Variants in CCDC120 observed in about 807,000 individuals in gnomAD.
The protein encoded by CCDC120 is coiled-coil domain containing 120.
In CCDC120, 16 loss-of-function variants were observed where a neutral mutation model predicts 37.6. The observed-to-expected ratio is 0.43, with a 90% CI of 0.29 to 0.65. The LOEUF (loss-of-function observed/expected upper bound fraction) is 0.65. Among genes scored for constraint, CCDC120 ranks in the 30% least tolerant of loss-of-function variants. The pLI is 0.18. For missense variants in CCDC120, 650 were observed against 657.4 expected, an observed-to-expected ratio of 0.99 and a Z score of 0.12; for synonymous variants, 309 against 275.4, an observed-to-expected ratio of 1.12 and a Z score of -1.21.
Position 49,067,459 on chromosome X carries a change from C to T in CCDC120, c.1345C>T (p.Pro449Ser), listed in dbSNP as rs1327246900. The T allele has an allele frequency of 1.7e-6, 2 of 1,180,113 alleles. No homozygotes were observed. Among genetic ancestry groups the T allele is most frequent in the Non-Finnish European group, 2.3e-6 (2 of 879,661 alleles). Residue 449 changes from proline to serine, a missense_variant, in exon 10 of 11, where the codon CCC (proline) becomes TCC (serine). Coordinates refer to ENST00000603986, the MANE Select transcript of CCDC120 (RefSeq NM_001163321.4). ...TPAFSSRTAGPPDPPRAARPS... is the reference protein window; with the variant it reads ...TPAFSSRTAGSPDPPRAARPS... ...TGCCTTCTCCTCCCGCACAGCAGGCCCCCCAGACCCTCCCCGGGCCGCCCG... is the reference window on the plus strand; with the variant it reads ...TGCCTTCTCCTCCCGCACAGCAGGCTCCCCAGACCCTCCCCGGGCCGCCCG...
Position 49,065,539 on chromosome X carries a change from C to T in CCDC120, c.873C>T (p.Ser291=). The T allele has an allele frequency of 8.3e-7, 1 of 1,210,872 alleles. No homozygotes were observed. The highest frequency in any genetic ancestry group is 1.1e-6 in the Non-Finnish European group (1 of 895,022). The part of the protein sequence containing the change: ...WDQLRAVSGG[S]PERRTPWKPP... ...AGCTGCGGGCAGTATCTGGGGGGAG[C>T]CCTGAGCGGCGAACCCCATGGAAAC... is the stretch of plus-strand genomic sequence containing the variant. The change falls in exon 8 of 11, where the codon AGC becomes AGT. Residue 291 remains serine (S), a synonymous_variant. Transcript: ENST00000603986.
intron 9 of CCDC120, 76 bp downstream of exon 9, chrX:49,065,921 A>G (rs1159928295): frequency 2.5e-5 from 24 of 962,838 alleles, no homozygotes; most frequent in Non-Finnish European, 3.0e-5. Context: ...CTTGAGGACA[A>G]CATTATCAAA....
chrX:49,065,055 A>G lies in CCDC120; in HGVS notation c.744A>G (p.Ser248=). Residue 248 remains serine (S), a synonymous_variant, in exon 7 of 11, where the codon TCA becomes TCG. Transcript: ENST00000603986. ...QLSQEDVVLH[S]ESSSLSESGA... is the part of the protein sequence containing the mutation. ...CTGTAGAGGACGTAGTTCTGCACTC[A>G]GAGAGCAGCTCCCTCTCAGAGTCTG... is the stretch of plus-strand genomic sequence containing the variant. 8.3e-7 allele frequency: 1 copy of G among 1,211,554 alleles called. No individual in the cohort carries two copies. Among genetic ancestry groups the G allele is most frequent in the Non-Finnish European group, 1.1e-6 (1 of 895,243 alleles).
In CCDC120 at chrX:49,067,366, C is replaced by T; in HGVS notation, c.1252C>T (p.Pro418Ser). The change falls in exon 10 of 11, where the codon CCC (proline) becomes TCC (serine). Residue 418 changes from proline to serine, a missense_variant. Physicochemically the swap from Pro to Ser is moderately conservative, Grantham distance 74. Around this residue, in one of 3 missense-constraint regions of CCDC120, gnomAD observed 576 missense variants for 565.3 expected, o/e 1.02. Transcript: ENST00000603986. The stretch of plus-strand genomic sequence containing the variant: ...TGGCTCCCCGCCTGCCCCTCTGGCT[C>T]CCTCTGCCTCTGGCCCCCCAGTCTG... ...GAGSPPAPLA[P>S]SASGPPVCKS... 2 of 1,200,037 alleles carry T rather than the reference C, an allele frequency of 1.7e-6. No homozygotes were observed. Among genetic ancestry groups the T allele is most frequent in the Non-Finnish European group, 2.2e-6 (2 of 889,901 alleles).
intron 1 of CCDC120, chrX:49,059,457 C>T: frequency 5.9e-6 from 3 of 507,810 alleles, no homozygotes; most frequent in Non-Finnish European, 7.2e-6. Context: ...GGGCCCAGCT[C>T]TCCAAGAAAG....
At chrX:49,061,606 G>C in intron 1 of CCDC120, among the ~76,000 whole-genome samples, 1 of 112,478 alleles carries the variant, frequency 8.9e-6, no homozygotes, top group Non-Finnish European at 1.9e-5. Context: ...CAGGGGCTGG[G>C]GTGGTGAGAG....
Position 49,062,078 on chromosome X carries a change from C to A in CCDC120, c.37C>A (p.Pro13Thr). Reference sequence around the variant, plus strand: ...ACCAAGGTACCAGGGCCAAGTGGGTCCAGACATCCACACGGATTCTGAAAG... The same window carrying A: ...ACCAAGGTACCAGGGCCAAGTGGGTACAGACATCCACACGGATTCTGAAAG... ...REPRYQGQVG[P>T]DIHTDSERTL... The change falls in exon 2 of 11, where the codon CCA becomes ACA. Residue 13 changes from proline to threonine, a missense_variant. Around this residue, in one of 3 missense-constraint regions of CCDC120, gnomAD observed 64 missense variants for 65.2 expected, o/e 0.98. Coordinates refer to ENST00000603986, the MANE Select transcript of CCDC120 (RefSeq NM_001163321.4). 1 of 1,157,029 alleles carries A rather than the reference C, an allele frequency of 8.6e-7. No individual in the cohort carries two copies. Among genetic ancestry groups the A allele is most frequent in the Non-Finnish European group, 1.1e-6 (1 of 872,965 alleles).
Position 49,068,043 on chromosome X carries a change from G to A in CCDC120, c.1929G>A (p.Ala643=), listed in dbSNP as rs1557082144. The A allele has an allele frequency of 1.3e-5, 15 of 1,165,397 alleles. No homozygotes were observed. Among genetic ancestry groups the A allele is most frequent in the Non-Finnish European group, 1.5e-5 (13 of 872,474 alleles). ...CGCTGTACGGGGCCCCCAGCCAGGCGCCACTCCCACACTCGAGGAGTTTCA... is the reference window on the plus strand; with the variant it reads ...CGCTGTACGGGGCCCCCAGCCAGGCACCACTCCCACACTCGAGGAGTTTCA... The part of the protein sequence containing the change: ...GQALYGAPSQ[A]PLPHSRSFTA... Residue 643 remains alanine, a synonymous_variant, in exon 10 of 11, where the codon GCG becomes GCA. Coordinates refer to ENST00000603986, the MANE Select transcript of CCDC120 (RefSeq NM_001163321.4).
intron 10 of CCDC120, 25 bp downstream of exon 10, chrX:49,068,115 G>A: frequency 8.7e-7 from 1 of 1,154,471 alleles, no homozygotes; most frequent in Middle Eastern, 2.3e-4. Flanking sequence ...TTTACTGATG[G>A]GTAGGGGTCT....
Position 49,065,806 on chromosome X carries a change from C to T in CCDC120, c.1022C>T (p.Thr341Ile), listed in dbSNP as rs1557081046. The change falls in exon 9 of 11, where the codon ACC becomes ATC. Residue 341 changes from threonine to isoleucine, a missense_variant. Transcript: ENST00000603986. ...TTTGAGGGGCGAAGTGTGCCTGCCA[C>T]CCCTGTCCTCACCCGGGGCGCTGGC... ...SSFEGRSVPA[T>I]PVLTRGAGPQ... 1 of 1,169,611 alleles carries T rather than the reference C, an allele frequency of 8.5e-7. No individual in the cohort carries two copies. Among genetic ancestry groups the T allele is most frequent in the Non-Finnish European group, 1.1e-6 (1 of 874,040 alleles).
intron 9 of CCDC120, chrX:49,066,775 A>G (rs1432480027): frequency 1.5e-5 from 2 of 133,497 alleles, no homozygotes; most frequent in Non-Finnish European, 2.9e-5. Flanking sequence ...AGGGTTTTAC[A>G]TGTGAGCCCT....
In CCDC120 at chrX:49,064,936, G is replaced by C; in HGVS notation, c.725-100G>C. The C allele has an allele frequency of 4.4e-6, 4 of 902,412 alleles. No homozygotes were observed. The South Asian group carries it at 8.7e-5, about 20-fold the overall frequency. The allele number at this position is 902,412 out of a possible 1,213,427, so 74.4% of individuals were successfully genotyped here. On this transcript the variant is annotated intron_variant, in intron 6 of 10. Coordinates refer to ENST00000603986, the MANE Select transcript of CCDC120 (RefSeq NM_001163321.4). ...CAGGAACAGGATGAGGCGGAAACTG[G>C]CCAGAAGGTGGCCCAAGTAGAGGTG... is the stretch of plus-strand genomic sequence containing the variant.
Position 49,067,557 on chromosome X carries a change from C to T in CCDC120, c.1443C>T (p.Asp481=). Residue 481 remains aspartate (D), a synonymous_variant, in exon 10 of 11, where the codon GAC becomes GAT. Coordinates refer to ENST00000603986, the MANE Select transcript of CCDC120 (RefSeq NM_001163321.4). ...CTGTGTGTGGAGACTTCCTCTTGGA[C>T]TATTCCTTGGACCGGGGCCTGCCCC... ...LPPVCGDFLL[D]YSLDRGLPRS... 8.5e-7 allele frequency: 1 copy of T among 1,171,969 alleles called. No individual in the cohort carries two copies. The highest frequency in any genetic ancestry group is 1.8e-5 in the African/African-American group (1 of 57,003).
chrX:49,062,786 G>A (rs2064901668), intron 4 of CCDC120, 185 bp downstream of exon 4: 1 of 516,050 alleles, frequency 1.9e-6, no homozygotes, highest in Non-Finnish European at 3.1e-6. Context: ...TAGGCTGGGC[G>A]CTGTGGCTCA....
chrX:49,056,938 TATC>T (rs2064835096), upstream of CCDC120, among the ~76,000 whole-genome samples: 1 of 112,028 alleles, frequency 8.9e-6, no homozygotes, highest in Non-Finnish European at 1.9e-5. Context: ...TACATACTGT[TATC>T]ATCGTCCCCA....
rs144506890 is a variant in CCDC120, at chrX:49,065,503, G to T, written c.837G>T (p.Lys279Asn). 609 of 1,207,733 alleles carry T rather than the reference G, an allele frequency of 5.0e-4. No individual in the cohort carries two copies. The African/African-American group carries it at 9.7e-3, about 19-fold the overall frequency. The change falls in exon 8 of 11, where the codon AAG becomes AAT. Residue 279 changes from lysine to asparagine, a missense_variant. Transcript: ENST00000603986. The part of the protein sequence containing the change: ...FSLAERPSPP[K>N]AWDQLRAVSG... ...TGGCCGAGCGCCCCTCACCACCCAA[G>T]GCTTGGGACCAGCTGCGGGCAGTAT... is the stretch of plus-strand genomic sequence containing the variant.
rs1244826757 is a variant in CCDC120 at position 49,068,947 on chromosome X, G to A, written c.*289G>A. 1.8e-5 allele frequency: 4 copies of A among 220,886 alleles called. No homozygotes were observed. Among genetic ancestry groups the A allele is most frequent in the Non-Finnish European group, 3.3e-5 (4 of 122,403 alleles). 18.2% of individuals were successfully genotyped at this position (220,886 alleles called of 1,213,427 possible). A position where few individuals can be genotyped will look rare whatever the true frequency, so the allele number is the denominator to read the frequency against. On this transcript the variant is annotated 3_prime_UTR_variant, in exon 11 of 11. Transcript: ENST00000603986. Reference sequence around the variant, plus strand: ...CATTTATGTTTACAGTTGTGACTTAGGTATTCACTGTCTTCCTCCAACACT... The same window carrying A: ...CATTTATGTTTACAGTTGTGACTTAAGTATTCACTGTCTTCCTCCAACACT...
chrX:49,064,105 A>G, intron 5 of CCDC120, 104 bp downstream of exon 5: 1 of 1,016,817 alleles, frequency 9.8e-7, no homozygotes, highest in East Asian at 3.4e-5. Context: ...CAGGTGAGGG[A>G]GAGGCTAAGA....
intron 9 of CCDC120, chrX:49,066,529 G>C (rs1204481016): frequency 8.9e-6 from 1 of 111,867 alleles, no homozygotes; most frequent in Non-Finnish European, 1.9e-5. Flanking sequence ...GCACAGAAAG[G>C]TTAAGTAACT....
Sources: gnomAD v4.1 joint callset for allele counts (sites outside exome capture counted in the v4.1 genomes callset) on GRCh38, gnomAD v4.1.1 for gene constraint, gnomAD v4.1.1 regional missense constraint, MANE v1.5 for transcripts, NCBI Gene and HGNC (gene_info 2026-07-23, HGNC 2026-07-21) for gene names.